SP140: variants seen among roughly 807,000 people sequenced by gnomAD.
SP140 encodes the protein nuclear body protein SP140.
SP140 carries 81 observed loss-of-function variants against 125.0 expected under a neutral mutation model. That is an observed-to-expected ratio of 0.65 (90% CI 0.54 to 0.78). The LOEUF is 0.78. SP140 is among the 30% of genes least tolerant of loss of function. SP140 has a pLI of 0.00. For synonymous variants in SP140, 312 were observed against 354.0 expected, an observed-to-expected ratio of 0.88 and a Z score of 1.33; for missense variants, 858 against 1,037.0, an observed-to-expected ratio of 0.83 and a Z score of 2.37.
rs77796050 is a variant in SP140 at position 230,249,370 on chromosome 2, C to T, written c.976+402C>T. On this transcript the variant is annotated intron_variant, in intron 9 of 26. Coordinates refer to ENST00000392045, the MANE Select transcript of SP140 (RefSeq NM_007237.5). The stretch of plus-strand genomic sequence containing the variant: ...AGCACAGACATGTTTTGTGAAAGAC[C>T]GAAGGCTTGCAACTGAGGAAAGTCA... Among the ~76,000 whole-genome samples, 28 of 152,206 alleles carry T rather than the reference C, an allele frequency of 1.8e-4. No individual in the cohort carries two copies. The East Asian group carries it at 4.4e-3, about 24-fold the overall frequency.
intron 3 of SP140, among the ~76,000 whole-genome samples, chr2:230,216,576 T>A (rs895484807): frequency 6.6e-6 from 1 of 152,206 alleles, no homozygotes; most frequent in Non-Finnish European, 1.5e-5. Context: ...TAGTCATTGT[T>A]ACAGCAGTCC....
At chr2:230,238,649 G>C in intron 3 of SP140, 1 of 924,332 alleles carries the variant, frequency 1.1e-6, no homozygotes, top group East Asian at 2.6e-5. Context: ...TAGGGTTGAA[G>C]TCTCTATTTT....
At position 230,251,011 on chromosome 2, in the gene SP140, A is replaced by T. The variant is rs558022852; in HGVS notation, c.1007A>T (p.Asp336Val). 2 of 1,613,726 alleles carry T rather than the reference A, an allele frequency of 1.2e-6. No homozygotes were observed. The highest frequency in any genetic ancestry group is 1.7e-6 in the Non-Finnish European group (2 of 1,179,820). The change falls in exon 10 of 27, where the codon GAT becomes GTT. Residue 336 changes from aspartate (D) to valine (V), a missense_variant. Coordinates refer to ENST00000392045, the MANE Select transcript of SP140 (RefSeq NM_007237.5). Reference sequence around the variant, plus strand: ...AGTGATGACTGTTCAGAAATGTGTGATGGAGAAGAGCCCCAGGAAGCCTCT... The same window carrying T: ...AGTGATGACTGTTCAGAAATGTGTGTTGGAGAAGAGCCCCAGGAAGCCTCT... ...EGSDDCSEMCDGEEPQEASSS... is the reference protein window; with the variant it reads ...EGSDDCSEMCVGEEPQEASSS...
In SP140 at chr2:230,211,165, G is replaced by A. The variant is rs898990282; in HGVS notation, c.-322-2489G>A. ...GCAGGTGAATGTTTCCCTTTCAGGC[G>A]CTTTGTGGCATTTGGAGTCCAAACC... On this transcript the variant is annotated intron_variant, in intron 1 of 4. Transcript: ENST00000456542. The surrounding 1 kb of genome is among the most constrained non-coding windows in gnomAD (Gnocchi z 4.2). Among the ~76,000 whole-genome samples the A allele has an allele frequency of 4.6e-5, 7 of 152,138 alleles. No individual in the cohort carries two copies. The highest frequency in any genetic ancestry group is 1.9e-4 in the East Asian group (1 of 5,186).
chr2:230,235,081 G>A (rs923733188), intron 1 of SP140: 1 of 152,176 alleles, frequency 6.6e-6, no homozygotes, highest in Non-Finnish European at 1.5e-5. Context: ...TGAAGGTAAA[G>A]GCCTTTTCTC....
At chr2:230,310,508 C>T (rs1249788464) in intron 23 of SP140, 10 of 900,138 alleles carry the variant, frequency 1.1e-5, no homozygotes, top group Non-Finnish European at 1.7e-5. Flanking sequence ...AAGGAGAGTC[C>T]ACACTCACGG....
At chr2:230,316,463 A>G (rs1194759878), downstream of SP140, among the ~76,000 whole-genome samples, 1 of 152,214 alleles carries the variant, frequency 6.6e-6, no homozygotes, top group South Asian at 2.1e-4. Flanking sequence ...GACAGGGAGT[A>G]GGGAGGCAGT....
At chr2:230,268,447 C>A (rs2053452028) in intron 12 of SP140, among the ~76,000 whole-genome samples, 1 of 151,718 alleles carries the variant, frequency 6.6e-6, no homozygotes, top group Non-Finnish European at 1.5e-5. Flanking sequence ...ATCTCTTGAA[C>A]CCAGGAGGCG....
At chr2:230,297,276 C>T (rs1182002238) in intron 21 of SP140, 145 bp from the exon 22 acceptor site, 11 of 895,230 alleles carry the variant, frequency 1.2e-5, no homozygotes, top group Non-Finnish European at 1.8e-5. Context: ...GGAGCCACCC[C>T]AGCCTACTGG....
At chr2:230,200,739 T>C, upstream of SP140, 3 of 701,248 alleles carry the variant, frequency 4.3e-6, no homozygotes, top group Non-Finnish European at 2.6e-6. Flanking sequence ...GGGAAGGGTC[T>C]TGATTAAGAA....
At chr2:230,221,784 T>A, upstream of SP140, 1 of 1,475,388 alleles carries the variant, frequency 6.8e-7, no homozygotes, top group East Asian at 2.5e-5. Context: ...TTCCTTTAGA[T>A]CTATTCAGAG....
In SP140 at chr2:230,248,987, T is replaced by G; in HGVS notation, c.976+19T>G. 1 of 1,583,150 alleles carries G rather than the reference T, an allele frequency of 6.3e-7. No individual in the cohort carries two copies. The highest frequency in any genetic ancestry group is 1.4e-5 in the African/African-American group (1 of 74,066). On this transcript the variant is annotated intron_variant, in intron 9 of 26. Coordinates refer to ENST00000392045, the MANE Select transcript of SP140 (RefSeq NM_007237.5). Reference sequence around the variant, plus strand: ...GGAGAAGGTAATTATGATTTAAGTTTTTAAATATTTGAGTACATCTTTGTT... The same window carrying G: ...GGAGAAGGTAATTATGATTTAAGTTGTTAAATATTTGAGTACATCTTTGTT...
At chr2:230,239,958 C>T (rs187803908) in intron 3 of SP140, among the ~76,000 whole-genome samples, 2 of 152,288 alleles carry the variant, frequency 1.3e-5, no homozygotes, top group African/African-American at 4.8e-5. Flanking sequence ...TGGGGATCCT[C>T]CTGGCCCCAG....
chr2:230,315,314 A>G (rs1455915205), downstream of SP140, among the ~76,000 whole-genome samples: 1 of 152,156 alleles, frequency 6.6e-6, no homozygotes, highest in African/African-American at 2.4e-5. Context: ...GGAGGGCTCT[A>G]TGGCCATTTA....
Position 230,211,216 on chromosome 2 carries a change from ATCATCATCCG to A in SP140, c.-322-2436_-322-2427del, listed in dbSNP as rs2044433894. 2.6e-5 allele frequency among the ~76,000 whole-genome samples: 4 copies of A among 152,036 alleles called. No homozygotes were observed. Among genetic ancestry groups the A allele is most frequent in the South Asian group, 2.1e-4 (1 of 4,828 alleles). ...TACAGGCACTGGTGGGGCTCTGTCCATCATCATCCGTGGCCCTATCCAAGTCTACCTTTTC... is the reference window on the plus strand; with the variant it reads ...TACAGGCACTGGTGGGGCTCTGTCCATGGCCCTATCCAAGTCTACCTTTTC... On this transcript the variant is annotated intron_variant, in intron 1 of 4. Coordinates refer to the SP140 transcript ENST00000456542. The surrounding 1 kb of genome is among the most constrained non-coding windows in gnomAD (Gnocchi z 4.2).
chr2:230,291,582 T>G (rs1039908103), intron 19 of SP140, among the ~76,000 whole-genome samples: 5 of 152,246 alleles, frequency 3.3e-5, no homozygotes, highest in Non-Finnish European at 5.9e-5. Flanking sequence ...TCATCCACAA[T>G]GAATGTATTA....
chr2:230,238,153 A>G, intron 2 of SP140, 60 bp from the exon 3 acceptor site: 1 of 1,261,748 alleles, frequency 7.9e-7, no homozygotes, highest in South Asian at 1.4e-5. Flanking sequence ...TCTACAACCT[A>G]AAAGTCTTTT....
chr2:230,204,542 C>A (rs2043546109), intron 1 of SP140, among the ~76,000 whole-genome samples: 1 of 152,038 alleles, frequency 6.6e-6, no homozygotes. Flanking sequence ...ATAATGAATT[C>A]ATAAACTATC....
At chr2:230,309,852 C>G in intron 22 of SP140, 72 bp from the exon 23 acceptor site, 2 of 1,509,254 alleles carry the variant, frequency 1.3e-6, no homozygotes, top group Non-Finnish European at 1.8e-6. Context: ...GCAGTGTGTT[C>G]TAGTTGCCCA....
Sources: allele counts gnomAD v4.1 joint callset (sites outside exome capture counted in the v4.1 genomes callset), GRCh38; gene constraint gnomAD v4.1.1; non-coding constraint Gnocchi (gnomAD v3.1); transcripts MANE v1.5; gene names NCBI Gene and HGNC (gene_info 2026-07-23, HGNC 2026-07-21).